The following SERINC1 variants were observed in gnomAD, a reference collection of about 807,000 sequenced individuals.
SERINC1 encodes serine incorporator 1.
SERINC1 carries 38 observed loss-of-function variants against 52.9 expected under a neutral mutation model. The ratio of observed to expected loss-of-function variants is 0.72; its 90% CI spans 0.55 to 0.94. The LOEUF (loss-of-function observed/expected upper bound fraction) is 0.94, where lower values mean the gene tolerates loss of function less well. Among genes scored for constraint, SERINC1 ranks in the 40% least tolerant of loss-of-function variants. The pLI is 0.00. For synonymous variants in SERINC1, 198 were observed against 183.1 expected (o/e 1.08, Z -0.66); for missense variants, 471 against 533.9 (o/e 0.88, Z 1.16).
At chr6:122,464,144 G>C (rs1775149598) in intron 1 of SERINC1, among the ~76,000 whole-genome samples, 1 of 152,124 alleles carries the variant, frequency 6.6e-6, no homozygotes, top group Non-Finnish European at 1.5e-5. Context: ...GCCAAGGACA[G>C]GACAGTGCAA....
At position 122,447,211 on chromosome 6, in the gene SERINC1, G is replaced by A; in HGVS notation, c.905C>T (p.Thr302Ile). 1.9e-6 allele frequency: 3 copies of A among 1,612,878 alleles called. No individual in the cohort carries two copies. The highest frequency in any genetic ancestry group is 2.2e-5 in the East Asian group (1 of 44,854). Residue 302 changes from threonine to isoleucine, a missense_variant, in exon 8 of 10, where the codon ACT (threonine) becomes ATT (isoleucine). Coordinates refer to ENST00000339697, the MANE Select transcript of SERINC1 (RefSeq NM_020755.4). ...LSIIGYNTTS[T>I]VPKEGQSVQW... ...GACTGACTGCCCTTCCTTTGGGACA[G>A]TGCTTGTTGTATTGTAGCCAATTAT... is the stretch of plus-strand genomic sequence containing the variant.
At chr6:122,457,302 G>C (rs1775014999) in intron 2 of SERINC1, among the ~76,000 whole-genome samples, 1 of 152,148 alleles carries the variant, frequency 6.6e-6, no homozygotes, top group Admixed American at 6.5e-5. Flanking sequence ...CCTTAAGTAA[G>C]AGATTTTGGC....
intron 3 of SERINC1, among the ~76,000 whole-genome samples, chr6:122,455,855 C>G (rs1334532533): frequency 1.3e-5 from 2 of 152,110 alleles, no homozygotes; most frequent in East Asian, 3.9e-4. Context: ...TGATAAATGC[C>G]TCCATCTAAA....
At chr6:122,453,173 C>CT (rs1401880456) in intron 5 of SERINC1, among the ~76,000 whole-genome samples, 1 of 152,070 alleles carries the variant, frequency 6.6e-6, no homozygotes, top group Non-Finnish European at 1.5e-5. Flanking sequence ...CTCCTGTTCC[C>CT]TCATTTTTGT....
chr6:122,458,523 A>T lies in SERINC1; in HGVS notation c.198T>A (p.Asn66Lys), dbSNP rs747757207. 31 of 1,610,860 alleles carry T rather than the reference A, an allele frequency of 1.9e-5. No homozygotes were observed. The highest frequency in any genetic ancestry group is 1.4e-5 in the Non-Finnish European group (16 of 1,177,540). The change falls in exon 2 of 10, where the codon AAT becomes AAA. Residue 66 changes from asparagine (N) to lysine (K), a missense_variant. By Grantham distance (94) the Asn-to-Lys change is moderately conservative. Coordinates refer to ENST00000339697, the MANE Select transcript of SERINC1 (RefSeq NM_020755.4). ...MLIPGMEEQLNKIPGFCENEK... is the reference protein window; with the variant it reads ...MLIPGMEEQLKKIPGFCENEK... ...ATAAATAAGAAACGAGACTAACCTT[A>T]TTCAGTTGTTCTTCCATTCCTGGTA...
At chr6:122,464,457 C>A (rs1016856975) in intron 1 of SERINC1, among the ~76,000 whole-genome samples, 6 of 152,062 alleles carry the variant, frequency 3.9e-5, no homozygotes, top group African/African-American at 2.4e-5. Context: ...TATTTAATTT[C>A]TAAGATAAAC....
chr6:122,455,819 A>G (rs1774982817), intron 3 of SERINC1, among the ~76,000 whole-genome samples: 1 of 152,184 alleles, frequency 6.6e-6, no homozygotes, highest in Non-Finnish European at 1.5e-5. Context: ...GGTGAACTGT[A>G]TAAATGAATA....
At chr6:122,458,374 T>G in intron 2 of SERINC1, 146 bp downstream of exon 2, 1 of 498,300 alleles carries the variant, frequency 2.0e-6, no homozygotes, top group Non-Finnish European at 3.5e-6. Flanking sequence ...ATATTATCTT[T>G]TTCCTAAAAG....
rs183361103 is a variant in SERINC1, at chr6:122,469,640, T to A, written c.39+2059A>T. Among the ~76,000 whole-genome samples the A allele has an allele frequency of 2.6e-5, 4 of 152,308 alleles. No individual in the cohort carries two copies. The East Asian group carries it at 7.7e-4, about 29-fold the overall frequency. On this transcript the variant is annotated intron_variant, in intron 1 of 9. Transcript: ENST00000339697. ...GGCATGATCTCAGCTCACTGCAACC[T>A]CCGTCTCCCAGTTCAAGCAATTCTC...
At chr6:122,464,962 C>T (rs1775162461) in intron 1 of SERINC1, among the ~76,000 whole-genome samples, 1 of 151,830 alleles carries the variant, frequency 6.6e-6, no homozygotes, top group Non-Finnish European at 1.5e-5. Context: ...AGATGGCAGA[C>T]TGAATATATT....
intron 2 of SERINC1, among the ~76,000 whole-genome samples, chr6:122,458,016 T>TGCTA (rs956593673): frequency 5.3e-5 from 8 of 152,148 alleles, no homozygotes; most frequent in Non-Finnish European, 8.8e-5. Context: ...AATATTTCAG[T>TGCTA]GCTAGGCTCA....
chr6:122,452,043 T>C lies in SERINC1; in HGVS notation c.604A>G (p.Thr202Ala). Residue 202 changes from threonine (T) to alanine (A), a missense_variant, in exon 6 of 10, where the codon ACA becomes GCA. By Grantham distance (58) the Thr-to-Ala change is moderately conservative. Transcript: ENST00000339697. ...AAAGACAGCAGATAATTCAGAGCTG[T>C]AGCTGATAACAAGGCTGTGAAAGAA... ...RCWYAALLSA[T>A]ALNYLLSLVA... 2.0e-6 allele frequency: 3 copies of C among 1,536,856 alleles called. No homozygotes were observed. The highest frequency in any genetic ancestry group is 2.6e-6 in the Non-Finnish European group (3 of 1,145,026).
At chr6:122,445,376 GAGTAA>G (rs1435859955) in intron 9 of SERINC1, among the ~76,000 whole-genome samples, 197 bp from the exon 10 acceptor site, 4 of 152,096 alleles carry the variant, frequency 2.6e-5, no homozygotes, top group East Asian at 3.9e-4. Context: ...TCCTTTAATG[GAGTAA>G]AGTATACAGG....
chr6:122,460,219 T>C (rs59383839), intron 1 of SERINC1, among the ~76,000 whole-genome samples: 213 of 152,286 alleles, frequency 1.4e-3, no homozygotes, highest in African/African-American at 4.9e-3. Flanking sequence ...ATTGCAGGCG[T>C]GCACCACCAC....
At chr6:122,447,355 C>T (rs1774824387) in intron 7 of SERINC1, 90 bp from the exon 8 acceptor site, 2 of 916,454 alleles carry the variant, frequency 2.2e-6, no homozygotes, top group East Asian at 2.5e-5. Context: ...CTCTATACCC[C>T]TGCAAATTGA....
At chr6:122,452,512 T>C (rs1366757470) in intron 5 of SERINC1, among the ~76,000 whole-genome samples, 1 of 152,212 alleles carries the variant, frequency 6.6e-6, no homozygotes, top group Non-Finnish European at 1.5e-5. Context: ...CTTTTCCTCA[T>C]GAACTAAAAT....
chr6:122,454,230 T>C lies in SERINC1; in HGVS notation c.372A>G (p.Gly124=). Residue 124 remains glycine (G), a splice_region_variant and synonymous_variant, in exon 4 of 10, where the codon GGA becomes GGG. Transcript: ENST00000339697. ...CTGCAGCAAATTTAAAGAACCAAAA[T>C]CTAAAACAAAAAGAAATATAATTTT... ...SSDPRAAVHN[G]FWFFKFAAAI... 2.0e-6 allele frequency: 3 copies of C among 1,515,958 alleles called. No individual in the cohort carries two copies. In the Admixed American group the frequency reaches 5.6e-5, roughly 28 times the overall value. 93.9% of individuals were successfully genotyped at this position (1,515,958 alleles called of 1,614,324 possible).
At chr6:122,454,265 G>C in intron 3 of SERINC1, 35 bp from the exon 4 acceptor site, 2 of 1,089,184 alleles carry the variant, frequency 1.8e-6, no homozygotes, top group Non-Finnish European at 2.7e-6. Context: ...TTTATTAATA[G>C]ACATTCATCA....
chr6:122,446,602 A>G (rs1252229123), intron 9 of SERINC1, among the ~76,000 whole-genome samples, 172 bp downstream of exon 9: 1 of 152,218 alleles, frequency 6.6e-6, no homozygotes, highest in Non-Finnish European at 1.5e-5. Flanking sequence ...TTACTGTTAA[A>G]GCAAGGAAGT....
Sources: gnomAD v4.1 joint callset for allele counts (sites outside exome capture counted in the v4.1 genomes callset) on GRCh38, gnomAD v4.1.1 for gene constraint, MANE v1.5 for transcripts, NCBI Gene and HGNC (gene_info 2026-07-23, HGNC 2026-07-21) for gene names.